NRXN1: variants seen among roughly 807,000 people sequenced by gnomAD.
NRXN1 encodes the protein neurexin-1.
NRXN1 carries 39 observed loss-of-function variants against 150.9 expected under a neutral mutation model. That is an observed-to-expected ratio of 0.26 (90% CI 0.20 to 0.34). NRXN1 has a LOEUF of 0.34. NRXN1 is among the 10% of genes least tolerant of loss of function. The pLI is 1.00. For missense variants in NRXN1, 1,815 were observed against 1,949.9 expected, an observed-to-expected ratio of 0.93 and a Z score of 1.30; for synonymous variants, 924 against 757.0, an observed-to-expected ratio of 1.22 and a Z score of -3.62.
intron 5 of NRXN1, among the ~76,000 whole-genome samples, chr2:50,818,324 T>C: frequency 6.6e-6 from 1 of 151,982 alleles, no homozygotes; most frequent in Non-Finnish European, 1.5e-5. Flanking sequence ...AGGATGCCTT[T>C]CTATTTATCT....
intron 18 of NRXN1, among the ~76,000 whole-genome samples, chr2:50,139,950 G>GT (rs922206216): frequency 6.6e-5 from 10 of 151,618 alleles, no homozygotes; most frequent in East Asian, 3.9e-4. Flanking sequence ...GCAAAAATTA[G>GT]TTTTTTTTAA....
intron 5 of NRXN1, among the ~76,000 whole-genome samples, chr2:50,784,574 T>G (rs1263732234): frequency 1.3e-5 from 2 of 152,126 alleles, no homozygotes; most frequent in South Asian, 4.1e-4. Context: ...CGACAGATAT[T>G]ATGATGAAGA....
intron 19 of NRXN1, among the ~76,000 whole-genome samples, chr2:50,055,870 C>G (rs145466093): frequency 1.3e-5 from 2 of 152,174 alleles, no homozygotes; most frequent in Non-Finnish European, 2.9e-5. Flanking sequence ...ATATAAGCCA[C>G]AAACAGTGGC....
chr2:50,876,839 G>A (rs1225937687), intron 5 of NRXN1, among the ~76,000 whole-genome samples: 1 of 151,508 alleles, frequency 6.6e-6, no homozygotes, highest in African/African-American at 2.4e-5. Context: ...CCAAAATATT[G>A]GTATTATGAA....
intron 22 of NRXN1, among the ~76,000 whole-genome samples, chr2:49,938,030 T>C (rs1433144394): frequency 9.2e-5 from 14 of 152,136 alleles, no homozygotes; most frequent in Non-Finnish European, 1.9e-4. Context: ...CCACTGAAAA[T>C]TGCATGGTAA....
At chr2:50,231,473 A>G (rs1440335122) in intron 18 of NRXN1, among the ~76,000 whole-genome samples, 1 of 152,142 alleles carries the variant, frequency 6.6e-6, no homozygotes, top group African/African-American at 2.4e-5. Context: ...ACTAAAACCA[A>G]TGATCAAAAG....
At position 50,015,769 on chromosome 2, in the gene NRXN1, T is replaced by C. The variant is rs559884075; in HGVS notation, c.4128+37502A>G. On this transcript the variant is annotated intron_variant, in intron 21 of 22. Coordinates refer to ENST00000401669, the MANE Select transcript of NRXN1 (RefSeq NM_001330078.2). Reference sequence around the variant, plus strand: ...ACAAAAAGAGATTCATAGATTAATATAGCTGAAAGCACACTGACAGCCAAA... The same window carrying C: ...ACAAAAAGAGATTCATAGATTAATACAGCTGAAAGCACACTGACAGCCAAA... Among the ~76,000 whole-genome samples, 8 of 152,266 alleles carry C rather than the reference T, an allele frequency of 5.3e-5. No homozygotes were observed. In the South Asian group the frequency reaches 1.7e-3, roughly 32 times the overall value.
intron 17 of NRXN1, among the ~76,000 whole-genome samples, chr2:50,437,983 A>G (rs931690779): frequency 2.6e-5 from 4 of 152,142 alleles, no homozygotes; most frequent in South Asian, 2.1e-4. Flanking sequence ...GGATCCTACA[A>G]CCTCAGTTAT....
Position 50,128,842 on chromosome 2 carries a change from G to C in NRXN1, c.3547-37348C>G, listed in dbSNP as rs529324745. ...TATTAAAACTACAAAAATTAACCGGGCATGGTGGCGGGCGCCTGTAATCCC... is the reference window on the plus strand; with the variant it reads ...TATTAAAACTACAAAAATTAACCGGCCATGGTGGCGGGCGCCTGTAATCCC... On this transcript the variant is annotated intron_variant, in intron 18 of 22. Coordinates refer to ENST00000401669, the MANE Select transcript of NRXN1 (RefSeq NM_001330078.2). Among the ~76,000 whole-genome samples the C allele has an allele frequency of 1.1e-4, 17 of 151,754 alleles. No homozygotes were observed. The South Asian group carries it at 3.5e-3, about 32-fold the overall frequency.
chr2:50,126,271 C>A (rs1323905607), intron 18 of NRXN1, among the ~76,000 whole-genome samples: 1 of 152,018 alleles, frequency 6.6e-6, no homozygotes, highest in East Asian at 1.9e-4. Flanking sequence ...AGAAAAACAC[C>A]TTTCCTATCT....
intron 2 of NRXN1, chr2:51,009,295 G>C (rs1430076442): frequency 6.6e-6 from 1 of 151,870 alleles, no homozygotes; most frequent in Non-Finnish European, 1.5e-5. Context: ...TTTTGAAGAA[G>C]GGGTAAAATA....
chr2:50,703,328 T>C (rs779674190), intron 5 of NRXN1, among the ~76,000 whole-genome samples: 2 of 152,110 alleles, frequency 1.3e-5, no homozygotes, highest in Non-Finnish European at 2.9e-5. Context: ...TAACTCTTTT[T>C]TGATGATTGC....
chr2:50,975,940 C>T (rs931053739), intron 2 of NRXN1, among the ~76,000 whole-genome samples: 2 of 151,994 alleles, frequency 1.3e-5, no homozygotes, highest in Non-Finnish European at 2.9e-5. Flanking sequence ...AAGGAGAAGG[C>T]CAGCCTTATT....
intron 17 of NRXN1, among the ~76,000 whole-genome samples, chr2:50,321,982 T>C (rs2076068038): frequency 6.6e-6 from 1 of 150,394 alleles, no homozygotes; most frequent in Non-Finnish European, 1.5e-5. Flanking sequence ...CATTGATGCT[T>C]AGATTAGCAA....
intron 5 of NRXN1, among the ~76,000 whole-genome samples, chr2:50,901,634 CT>C (rs1283595269): frequency 6.6e-6 from 1 of 152,152 alleles, no homozygotes; most frequent in Non-Finnish European, 1.5e-5. Flanking sequence ...CAAGCAAGAA[CT>C]TCATTAAAGG....
intron 18 of NRXN1, among the ~76,000 whole-genome samples, chr2:50,153,701 A>C (rs571292276): frequency 1.3e-5 from 2 of 151,948 alleles, no homozygotes; most frequent in South Asian, 4.1e-4. Context: ...CAAAAAAAGA[A>C]AGAAGAAAAG....
intron 17 of NRXN1, among the ~76,000 whole-genome samples, chr2:50,428,230 C>A (rs1333990028): frequency 6.6e-6 from 1 of 152,064 alleles, no homozygotes; most frequent in Non-Finnish European, 1.5e-5. Flanking sequence ...CTGGGCAACA[C>A]AGCAAGACCC....
Position 50,936,776 on chromosome 2 carries a change from A to C in NRXN1, c.773-10821T>G, listed in dbSNP as rs181334086. On this transcript the variant is annotated intron_variant, in intron 2 of 22. Transcript: ENST00000401669. Reference sequence around the variant, plus strand: ...GACTGAGATTGAGAAAATAGACTTGATAACTTTAAATAGGCCTAATAATAG... The same window carrying C: ...GACTGAGATTGAGAAAATAGACTTGCTAACTTTAAATAGGCCTAATAATAG... Among the ~76,000 whole-genome samples the C allele has an allele frequency of 2.6e-5, 4 of 152,246 alleles. No individual in the cohort carries two copies. The East Asian group carries it at 7.7e-4, about 29-fold the overall frequency.
At chr2:50,606,249 A>AG (rs1190969025) in intron 8 of NRXN1, among the ~76,000 whole-genome samples, 9 of 117,138 alleles carry the variant, frequency 7.7e-5, no homozygotes, top group Admixed American at 5.3e-4. Context: ...ACTCTGTTTC[A>AG]GAAAAAAAAA....
Sources: gnomAD v4.1 joint callset for allele counts (sites outside exome capture counted in the v4.1 genomes callset) on GRCh38, gnomAD v4.1.1 for gene constraint, MANE v1.5 for transcripts, NCBI Gene and HGNC (gene_info 2026-07-23, HGNC 2026-07-21) for gene names.